Variants in GRM5 observed in about 807,000 individuals in gnomAD.
GRM5 encodes the protein glutamate metabotropic receptor 5.
A neutral mutation model predicts 83.1 loss-of-function variants in GRM5; 19 were observed. That is an observed-to-expected ratio of 0.23 (90% CI 0.16 to 0.34). The LOEUF (loss-of-function observed/expected upper bound fraction) is 0.34, where lower values mean the gene tolerates loss of function less well. GRM5 is among the 10% of genes least tolerant of loss of function. GRM5 has a pLI of 1.00. For synonymous variants in GRM5, 675 were observed against 633.6 expected (o/e 1.07, Z -0.98); for missense variants, 1,160 against 1,588.3 (o/e 0.73, Z 4.58).
In GRM5 at chr11:88,597,317, T is replaced by C; in HGVS notation, c.1430A>G (p.Asp477Gly). Residue 477 changes from aspartate (D) to glycine (G), a missense_variant, in exon 6 of 10, where the codon GAT (aspartate) becomes GGT (glycine). Asp to Gly is a moderately conservative substitution (Grantham distance 94). Transcript: ENST00000305447. ...EIMNFKEMGK[D>G]YFDYINVGSW... Reference sequence around the variant, plus strand: ...TCCAACGTTGATATAATCAAAGTAATCTTTTCCCATTTCCTTGAAATTCAT... The same window carrying C: ...TCCAACGTTGATATAATCAAAGTAACCTTTTCCCATTTCCTTGAAATTCAT... 1 of 1,549,372 alleles carries C rather than the reference T, an allele frequency of 6.5e-7. No individual in the cohort carries two copies. The highest frequency in any genetic ancestry group is 8.9e-7 in the Non-Finnish European group (1 of 1,124,504).
chr11:88,894,580 GA>G (rs1461799582), intron 2 of GRM5, among the ~76,000 whole-genome samples: 1 of 151,936 alleles, frequency 6.6e-6, no homozygotes, highest in Non-Finnish European at 1.5e-5. Flanking sequence ...CTAATCTTCA[GA>G]ATTTCAGAAC....
chr11:88,903,064 T>C (rs1163172339), intron 2 of GRM5, among the ~76,000 whole-genome samples: 1 of 149,290 alleles, frequency 6.7e-6, no homozygotes, highest in Admixed American at 6.7e-5. Context: ...TAGCCAGAGA[T>C]AGACTCCTGT....
chr11:88,704,788 G>T (rs143447964), intron 3 of GRM5, among the ~76,000 whole-genome samples: 2 of 151,648 alleles, frequency 1.3e-5, no homozygotes, highest in Non-Finnish European at 1.5e-5. Context: ...CCTCTTCTTC[G>T]CTCTATACTT....
rs374695196 is a variant in GRM5 at position 88,816,513 on chromosome 11, T to G, written c.911+33393A>C. On this transcript the variant is annotated intron_variant, in intron 3 of 9. Transcript: ENST00000305447. ...GAGATCATGCCACTGCACTCCAGCG[T>G]GGGCAACAGAGCAAGACTCCATCTC... is the stretch of plus-strand genomic sequence containing the variant. Among the ~76,000 whole-genome samples the G allele has an allele frequency of 3.1e-5, 4 of 128,670 alleles. No homozygotes were observed. The East Asian group carries it at 8.7e-4, about 28-fold the overall frequency. The allele number at this position is 128,670 out of a possible 152,430, so 84.4% of individuals were successfully genotyped here.
At chr11:89,035,729 A>T (rs2212333) in intron 2 of GRM5, among the ~76,000 whole-genome samples, 83,076 of 151,772 alleles carry the variant, frequency 0.55, 23,292 homozygotes, top group South Asian at 0.74. Flanking sequence ...AATTTCTGAA[A>T]ATAAACACTT....
intron 2 of GRM5, among the ~76,000 whole-genome samples, chr11:88,880,697 T>C (rs1944936847): frequency 6.6e-6 from 1 of 152,156 alleles, no homozygotes; most frequent in Non-Finnish European, 1.5e-5. Flanking sequence ...CTTCAAAAAT[T>C]TGTTATCCTA....
At chr11:88,525,045 A>G (rs1941832654) in intron 9 of GRM5, among the ~76,000 whole-genome samples, 1 of 152,208 alleles carries the variant, frequency 6.6e-6, no homozygotes, top group East Asian at 1.9e-4. Context: ...CCAGAGGAGG[A>G]CTGACTGTGA....
chr11:88,719,664 T>G (rs567835874), intron 3 of GRM5, among the ~76,000 whole-genome samples: 87 of 152,214 alleles, frequency 5.7e-4, no homozygotes, highest in African/African-American at 2.0e-3. Context: ...GCTGAACTAA[T>G]AATTTACACT....
chr11:88,911,499 G>T (rs1302854797), intron 2 of GRM5, among the ~76,000 whole-genome samples: 1 of 152,056 alleles, frequency 6.6e-6, no homozygotes, highest in South Asian at 2.1e-4. Flanking sequence ...CTCACTGTTG[G>T]AATACTCTAA....
rs199799673 is a variant in GRM5 at position 89,047,876 on chromosome 11, A to G, written c.-4T>C. The stretch of plus-strand genomic sequence containing the variant: ...ACAGGATCAACAGAAGGACCATTTT[A>G]GGAAAGGAGTTCAAGCCAATAAAGA... On this transcript the variant is annotated 5_prime_UTR_variant, in exon 2 of 10. Transcript: ENST00000305447. The surrounding 1 kb of genome is among the most constrained non-coding windows in gnomAD (Gnocchi z 5.1). 2 of 1,611,964 alleles carry G rather than the reference A, an allele frequency of 1.2e-6. No homozygotes were observed. The highest frequency in any genetic ancestry group is 1.7e-6 in the Non-Finnish European group (2 of 1,178,406).
chr11:88,622,172 T>G (rs560139046), intron 4 of GRM5, among the ~76,000 whole-genome samples: 115 of 152,190 alleles, frequency 7.6e-4, no homozygotes, highest in South Asian at 2.3e-3. Context: ...AAAGAAGAGA[T>G]AGGAGAGGAA....
At chr11:88,825,910 T>C (rs1187269191) in intron 3 of GRM5, among the ~76,000 whole-genome samples, 1 of 152,202 alleles carries the variant, frequency 6.6e-6, no homozygotes, top group Non-Finnish European at 1.5e-5. Flanking sequence ...AACATTACTC[T>C]AAACATTAAC....
intron 2 of GRM5, among the ~76,000 whole-genome samples, chr11:88,923,744 T>A (rs1945734392): frequency 6.6e-6 from 1 of 152,016 alleles, no homozygotes; most frequent in Non-Finnish European, 1.5e-5. Context: ...CCTGAGGTGA[T>A]GAATATCTCA....
intron 2 of GRM5, among the ~76,000 whole-genome samples, chr11:88,990,898 C>T (rs1939941358): frequency 1.3e-5 from 2 of 152,030 alleles, no homozygotes; most frequent in Non-Finnish European, 2.9e-5. Context: ...AAACCCACAG[C>T]CAATATCGTA....
chr11:88,632,533 T>C (rs1939004736), intron 4 of GRM5, among the ~76,000 whole-genome samples: 2 of 152,138 alleles, frequency 1.3e-5, no homozygotes, highest in Non-Finnish European at 2.9e-5. Flanking sequence ...TTTTGCTGTG[T>C]TGTTGGGTGT....
At chr11:88,916,251 A>G (rs657015) in intron 2 of GRM5, among the ~76,000 whole-genome samples, 145,754 of 152,192 alleles carry the variant, frequency 0.96, 69,881 homozygotes, top group East Asian at 0.99. Context: ...AAGGAAATAG[A>G]TATGAAAGAA....
At chr11:88,681,184 A>G (rs920797018) in intron 3 of GRM5, among the ~76,000 whole-genome samples, 8 of 152,022 alleles carry the variant, frequency 5.3e-5, no homozygotes, top group African/African-American at 1.9e-4. Context: ...AATTCTCAAA[A>G]TCTTTTTTTA....
chr11:88,579,193 C>T (rs1316970243), intron 7 of GRM5, among the ~76,000 whole-genome samples: 1 of 152,088 alleles, frequency 6.6e-6, no homozygotes, highest in Non-Finnish European at 1.5e-5. Flanking sequence ...TGATAGAACA[C>T]AAACTTCCTA....
intron 3 of GRM5, among the ~76,000 whole-genome samples, chr11:88,685,276 C>T (rs182674664): frequency 1.3e-5 from 2 of 152,024 alleles, no homozygotes; most frequent in Non-Finnish European, 2.9e-5. Context: ...TTGCTCCTGC[C>T]CTAGAGATTT....
Sources: gnomAD v4.1 joint callset for allele counts (sites outside exome capture counted in the v4.1 genomes callset) on GRCh38, gnomAD v4.1.1 for gene constraint, Gnocchi (gnomAD v3.1) non-coding constraint, MANE v1.5 for transcripts, NCBI Gene and HGNC (gene_info 2026-07-23, HGNC 2026-07-21) for gene names.